The following PKD1L1 variants were observed in gnomAD, a reference collection of about 807,000 sequenced individuals.
PKD1L1 encodes polycystin 1 like 1, transient receptor potential channel interacting.
In PKD1L1, 236 loss-of-function variants were observed where a neutral mutation model predicts 323.4. The ratio of observed to expected loss-of-function variants is 0.73; its 90% confidence interval spans 0.66 to 0.81. The LOEUF (loss-of-function observed/expected upper bound fraction) is 0.81, where lower values mean the gene tolerates loss of function less well. Ranked by LOEUF, PKD1L1 falls within the 40% of genes least tolerant of loss-of-function variation. The pLI is 0.00. For synonymous variants in PKD1L1, 1,344 were observed against 1,335.0 expected (o/e 1.01, Z -0.15); for missense variants, 3,320 against 3,508.0 (o/e 0.95, Z 1.35).
chr7:47,942,356 A>G (rs533333029), intron 2 of PKD1L1, among the ~76,000 whole-genome samples: 171 of 152,270 alleles, frequency 1.1e-3, no homozygotes, highest in African/African-American at 3.7e-3. Flanking sequence ...ACAATTCCAC[A>G]TGATCTTAAC....
At chr7:47,957,502 A>G in the PKD1L1 span, among the ~76,000 whole-genome samples, 1 of 152,194 alleles carries the variant, frequency 6.6e-6, no homozygotes, top group Non-Finnish European at 1.5e-5. Flanking sequence ...TCTACAAACA[A>G]AAACTAGTAT....
rs141685583 is a variant in PKD1L1, at chr7:47,803,296, A to G, written c.7876T>C (p.Cys2626Arg). Reference sequence around the variant, plus strand: ...TTTTGAATGCCAGGAAGATAGACGCATTTTAATGTGAAGAGGAATAAGAGG... The same window carrying G: ...TTTTGAATGCCAGGAAGATAGACGCGTTTTAATGTGAAGAGGAATAAGAGG... Reference protein sequence around the residue: ...GILLFLFTLKCVYLPGIQNTM... With the variant: ...GILLFLFTLKRVYLPGIQNTM... Residue 2626 changes from cysteine (C) to arginine (R), a missense_variant, in exon 53 of 57, where the codon TGC becomes CGC. Cys to Arg is a radical substitution (Grantham distance 180, BLOSUM62 -3). Coordinates refer to ENST00000289672, the MANE Select transcript of PKD1L1 (RefSeq NM_138295.5). The G allele has an allele frequency of 1.7e-4, 271 of 1,614,176 alleles. 1 individual carries two copies. The African/African-American group carries it at 3.1e-3, about 18-fold the overall frequency.
At chr7:47,854,780 G>C in intron 30 of PKD1L1, 102 bp downstream of exon 30, 1 of 1,369,752 alleles carries the variant, frequency 7.3e-7, no homozygotes, top group Non-Finnish European at 1.0e-6. Context: ...CCTCATTATT[G>C]CTTTAAAAAC....
At position 47,808,353 on chromosome 7, in the gene PKD1L1, G is replaced by C; in HGVS notation, c.7721C>G (p.Ala2574Gly). The C allele has an allele frequency of 6.2e-7, 1 of 1,614,152 alleles. No individual in the cohort carries two copies. Among genetic ancestry groups the C allele is most frequent in the Non-Finnish European group, 8.5e-7 (1 of 1,180,024 alleles). The change falls in exon 52 of 57, where the codon GCA (alanine) becomes GGA (glycine). Residue 2574 changes from alanine to glycine, a missense_variant. Physicochemically the swap from Ala to Gly is moderately conservative, Grantham distance 60. Coordinates refer to ENST00000289672, the MANE Select transcript of PKD1L1 (RefSeq NM_138295.5). Reference sequence around the variant, plus strand: ...AAGAGTAACAAGGTGGCCGGAAACTGCATAGTAGGTGAGGCTCACTCCAAC... The same window carrying C: ...AAGAGTAACAAGGTGGCCGGAAACTCCATAGTAGGTGAGGCTCACTCCAAC... ...SVVGVSLTYYAVSGHLVTLAG... is the reference protein window; with the variant it reads ...SVVGVSLTYYGVSGHLVTLAG...
At chr7:47,937,012 A>C (rs769049024) in intron 3 of PKD1L1, 54 bp from the exon 4 acceptor site, 4 of 1,374,838 alleles carry the variant, frequency 2.9e-6, no homozygotes, top group Middle Eastern at 3.8e-4. Context: ...AAAACCCAGT[A>C]CATTTGGGAA....
intron 40 of PKD1L1, 67 bp from the exon 41 acceptor site, chr7:47,833,319 A>G: frequency 6.5e-7 from 1 of 1,535,346 alleles, no homozygotes; most frequent in Non-Finnish European, 8.8e-7. Context: ...GACGCTCAAC[A>G]GTGGTGTGGC....
intron 26 of PKD1L1, among the ~76,000 whole-genome samples, chr7:47,864,820 G>A (rs747132517): frequency 6.6e-6 from 1 of 151,662 alleles, no homozygotes; most frequent in Non-Finnish European, 1.5e-5. Context: ...CTGGCTTCAA[G>A]CGATTCTCCT....
intron 55 of PKD1L1, among the ~76,000 whole-genome samples, chr7:47,793,350 G>C (rs529267218): frequency 1.7e-4 from 26 of 152,208 alleles, no homozygotes; most frequent in Admixed American, 3.3e-4. Context: ...CCTGTGTTGT[G>C]GGAGGGACCT....
At position 47,855,179 on chromosome 7, in the gene PKD1L1, G is replaced by C. The variant is rs767562539; in HGVS notation, c.4677C>G (p.Val1559=). Residue 1559 remains valine, a synonymous_variant, in exon 29 of 57, where the codon GTC becomes GTG. Coordinates refer to ENST00000289672, the MANE Select transcript of PKD1L1 (RefSeq NM_138295.5). ...CCAGGCCATCCTCCTCCCCAAACTC[G>C]ACCATCACGGGTTTCCTTAGCCATT... ...NRQWLRKPVM[V]EFGEEDGLDN... is the part of the protein sequence containing the mutation. 3 of 1,613,966 alleles carry C rather than the reference G, an allele frequency of 1.9e-6. No individual in the cohort carries two copies. The highest frequency in any genetic ancestry group is 2.5e-6 in the Non-Finnish European group (3 of 1,180,008).
chr7:47,950,716 A>G (rs1277000540), upstream of PKD1L1, among the ~76,000 whole-genome samples: 2 of 152,128 alleles, frequency 1.3e-5, no homozygotes, highest in African/African-American at 4.8e-5. Flanking sequence ...TCTCAAAAAA[A>G]AAAAAAGAAT....
intron 53 of PKD1L1, 119 bp downstream of exon 53, chr7:47,803,091 T>C (rs1784699725): frequency 7.9e-7 from 1 of 1,269,466 alleles, no homozygotes; most frequent in Admixed American, 2.1e-5. Flanking sequence ...ATTAGAAGAC[T>C]GGAATTCTAG....
intron 16 of PKD1L1, among the ~76,000 whole-genome samples, chr7:47,889,791 G>C (rs1786768539): frequency 6.6e-6 from 1 of 152,182 alleles, no homozygotes; most frequent in Non-Finnish European, 1.5e-5. Context: ...ATGGGCAGAG[G>C]GTCAGTCCCA....
At chr7:47,938,719 T>C (rs899622336) in intron 3 of PKD1L1, among the ~76,000 whole-genome samples, 1 of 152,082 alleles carries the variant, frequency 6.6e-6, no homozygotes, top group Non-Finnish European at 1.5e-5. Flanking sequence ...ACCAAGCCCT[T>C]TGGGACATGA....
intron 55 of PKD1L1, among the ~76,000 whole-genome samples, chr7:47,794,110 T>A (rs1787017605): frequency 6.6e-6 from 1 of 152,162 alleles, no homozygotes; most frequent in Non-Finnish European, 1.5e-5. Context: ...AGCCTGACAA[T>A]GCAGTGGAAA....
intron 3 of PKD1L1, 101 bp downstream of exon 3, chr7:47,940,092 C>A: frequency 6.8e-7 from 1 of 1,460,944 alleles, no homozygotes; most frequent in Non-Finnish European, 9.5e-7. Flanking sequence ...GGAAAACAAT[C>A]CCTGATGAAT....
chr7:47,862,882 C>T (rs532578624), intron 26 of PKD1L1, among the ~76,000 whole-genome samples: 3 of 152,224 alleles, frequency 2.0e-5, no homozygotes, highest in Admixed American at 6.5e-5. Context: ...GGAGAAGCCA[C>T]GGGGAGTGCT....
intron 4 of PKD1L1, among the ~76,000 whole-genome samples, chr7:47,934,587 C>T (rs1787831693): frequency 6.6e-6 from 1 of 152,000 alleles, no homozygotes; most frequent in Admixed American, 6.5e-5. Flanking sequence ...TTTAGGAAAA[C>T]AACAACAACA....
Position 47,866,769 on chromosome 7 carries a change from C to T in PKD1L1, c.3897-155G>A, listed in dbSNP as rs6972918. Reference sequence around the variant, plus strand: ...TACAAAGGAGAATTGGTCTGTGCAACGGAAACTCTAAAAAGACACTGTAAG... The same window carrying T: ...TACAAAGGAGAATTGGTCTGTGCAATGGAAACTCTAAAAAGACACTGTAAG... On this transcript the variant is annotated intron_variant, in intron 24 of 56. Transcript: ENST00000289672. Among the ~76,000 whole-genome samples, 48,868 of 151,904 alleles carry T rather than the reference C, an allele frequency of 0.32. 8,379 individuals are homozygous for T. The highest frequency in any genetic ancestry group is 0.42 in the African/African-American group (17,483 of 41,388).
At chr7:47,789,459 G>A (rs557660506) in intron 56 of PKD1L1, among the ~76,000 whole-genome samples, 66 of 151,860 alleles carry the variant, frequency 4.3e-4, no homozygotes, top group Non-Finnish European at 8.2e-4. Context: ...TTAATTGTTC[G>A]TAAAAAGATT....
Sources: allele counts gnomAD v4.1 joint callset (sites outside exome capture counted in the v4.1 genomes callset), GRCh38; gene constraint gnomAD v4.1.1; transcripts MANE v1.5; gene names NCBI Gene and HGNC (gene_info 2026-07-23, HGNC 2026-07-21).